Variants in POTEE observed in about 807,000 individuals in gnomAD.
POTEE encodes POTE ankyrin domain family member E.
In POTEE, 21 loss-of-function variants were observed where a neutral mutation model predicts 74.2. The observed-to-expected ratio is 0.28, with a 90% CI of 0.20 to 0.41. The LOEUF (loss-of-function observed/expected upper bound fraction) is 0.41, where lower values mean the gene tolerates loss of function less well. Ranked by LOEUF, POTEE falls within the 10% of genes least tolerant of loss-of-function variation. The pLI is 1.00. For missense variants in POTEE, 525 were observed against 1,158.6 expected (o/e 0.45, Z 7.94); for synonymous variants, 211 against 432.8 (o/e 0.49, Z 6.36).
chr2:131,243,867 C>CAA (rs1241493314), intron 12 of POTEE, among the ~76,000 whole-genome samples: 17 of 8,586 alleles, frequency 2.0e-3, no homozygotes, highest in African/African-American at 7.4e-3. Flanking sequence ...GACTCCGTCT[C>CAA]AAAAAAAAAA....
intron 9 of POTEE, among the ~76,000 whole-genome samples, chr2:131,236,247 T>C (rs1559188034): frequency 6.6e-6 from 1 of 152,132 alleles, no homozygotes; most frequent in Non-Finnish European, 1.5e-5. Context: ...GATTTTGTTT[T>C]CTTAACCTTG....
intron 12 of POTEE, among the ~76,000 whole-genome samples, chr2:131,239,863 T>C (rs1425776843): frequency 6.6e-6 from 1 of 152,340 alleles, no homozygotes; most frequent in Non-Finnish European, 1.5e-5. Flanking sequence ...TGGTGCCTGT[T>C]ATTCTCCTCT....
intron 8 of POTEE, among the ~76,000 whole-genome samples, chr2:131,230,310 A>G (rs887796734): frequency 3.9e-5 from 6 of 152,228 alleles, no homozygotes; most frequent in African/African-American, 1.4e-4. Context: ...ATTAGAACCT[A>G]TGAACAAAAT....
In POTEE at chr2:131,263,922, A is replaced by T; in HGVS notation, c.2467A>T (p.Met823Leu). Residue 823 changes from methionine (M) to leucine (L), a missense_variant, in exon 18 of 18, where the codon ATG (methionine) becomes TTG (leucine). Transcript: ENST00000683005. ...KANREKMTQI[M>L]FETFNTPAMY... Reference sequence around the variant, plus strand: ...CAACCGCGAGAAGATGACCCAGATCATGTTTGAGACCTTCAACACCCCAGC... The same window carrying T: ...CAACCGCGAGAAGATGACCCAGATCTTGTTTGAGACCTTCAACACCCCAGC... 1 of 1,614,164 alleles carries T rather than the reference A, an allele frequency of 6.2e-7. No homozygotes were observed. Among genetic ancestry groups the T allele is most frequent in the Non-Finnish European group, 8.5e-7 (1 of 1,180,018 alleles).
At chr2:131,219,633 A>G (rs1052651728) in intron 4 of POTEE, among the ~76,000 whole-genome samples, 1 of 152,022 alleles carries the variant, frequency 6.6e-6, no homozygotes, top group African/African-American at 2.4e-5. Flanking sequence ...GCTACTCAGG[A>G]GGCTGAGGCA....
Position 131,264,026 on chromosome 2 carries a change from C to T in POTEE, c.2571C>T (p.Asp857=), listed in dbSNP as rs531655290. Residue 857 remains aspartate (D), a synonymous_variant, in exon 18 of 18, where the codon GAC becomes GAT. Coordinates refer to ENST00000683005, the MANE Select transcript of POTEE (RefSeq NM_001083538.3). ...RTTGIVMDSG[D]GVTHTVPIYE... ...CTGGCATCGTGATGGACTCTGGTGA[C>T]GGGGTCACCCACACTGTGCCCATCT... The T allele has an allele frequency of 2.7e-4, 434 of 1,614,116 alleles. 2 individuals are homozygous for T. In the South Asian group the frequency reaches 3.5e-3, roughly 13 times the overall value.
In POTEE at chr2:131,263,827, A is replaced by C; in HGVS notation, c.2372A>C (p.Tyr791Ser). ...GAGAAGATCTGGCACCACACCTTCT[A>C]CAACGAGCTGCGTGTGGCTCCCGAG... ...DMEKIWHHTF[Y>S]NELRVAPEEH... Residue 791 changes from tyrosine to serine, a missense_variant, in exon 18 of 18, where the codon TAC becomes TCC. Tyr to Ser is a moderately radical substitution (Grantham distance 144). Transcript: ENST00000683005. 1.2e-6 allele frequency: 2 copies of C among 1,614,102 alleles called. No homozygotes were observed. Among genetic ancestry groups the C allele is most frequent in the Non-Finnish European group, 8.5e-7 (1 of 1,180,028 alleles).
intron 4 of POTEE, 127 bp from the exon 5 acceptor site, chr2:131,223,469 G>A: frequency 1.2e-6 from 1 of 840,030 alleles, no homozygotes; most frequent in Non-Finnish European, 1.8e-6. Context: ...TTTTTCATGG[G>A]AAAGTTAAAT....
At chr2:131,229,961 A>G (rs940906796) in intron 8 of POTEE, among the ~76,000 whole-genome samples, 1 of 152,124 alleles carries the variant, frequency 6.6e-6, no homozygotes, top group Admixed American at 6.6e-5. Context: ...AAAAAAAATA[A>G]AAGTAGACTT....
chr2:131,221,728 ATAGATT>A (rs1397776455), intron 4 of POTEE, among the ~76,000 whole-genome samples: 1 of 152,238 alleles, frequency 6.6e-6, no homozygotes, highest in African/African-American at 2.4e-5. Context: ...TTCATTAGAT[ATAGATT>A]AACATGTAAA....
chr2:131,218,712 C>T lies in POTEE; in HGVS notation c.310C>T (p.His104Tyr), dbSNP rs757153312. ...GAACAAGATGGGGAAGTGGTGCTGC[C>T]ACTGCTTCCCCTGCTGCAGGGGGAG... Reference protein sequence around the residue: ...LRNKMGKWCCHCFPCCRGSGK... With the variant: ...LRNKMGKWCCYCFPCCRGSGK... The change falls in exon 4 of 18, where the codon CAC (histidine) becomes TAC (tyrosine). Residue 104 changes from histidine (H) to tyrosine (Y), a missense_variant. His to Tyr is a moderately conservative substitution (Grantham distance 83). Coordinates refer to ENST00000683005, the MANE Select transcript of POTEE (RefSeq NM_001083538.3). 1.3e-6 allele frequency: 2 copies of T among 1,561,660 alleles called. No individual in the cohort carries two copies. Among genetic ancestry groups the T allele is most frequent in the Non-Finnish European group, 8.8e-7 (1 of 1,141,884 alleles).
chr2:131,211,251 C>T (rs1195099518), intron 2 of POTEE, among the ~76,000 whole-genome samples, 68 bp downstream of exon 2: 1 of 151,830 alleles, frequency 6.6e-6, no homozygotes. Flanking sequence ...TTGACGGCGA[C>T]AGCAACTGTA....
chr2:131,236,534 G>T (rs1701137531), intron 9 of POTEE, among the ~76,000 whole-genome samples, 198 bp from the exon 10 acceptor site: 1 of 151,654 alleles, frequency 6.6e-6, no homozygotes, highest in Non-Finnish European at 1.5e-5. Flanking sequence ...GGATGAATTT[G>T]TGAGTGAATG....
chr2:131,212,238 A>G (rs1700374085), intron 2 of POTEE, among the ~76,000 whole-genome samples: 1 of 152,078 alleles, frequency 6.6e-6, no homozygotes, highest in South Asian at 2.1e-4. Context: ...GTGTTAAACC[A>G]CTTATGCCTA....
Position 131,226,878 on chromosome 2 carries a change from A to C in POTEE, c.866A>C (p.Lys289Thr). 1 of 1,611,794 alleles carries C rather than the reference A, an allele frequency of 6.2e-7. No individual in the cohort carries two copies. The highest frequency in any genetic ancestry group is 1.1e-5 in the South Asian group (1 of 90,982). The change falls in exon 7 of 18, where the codon AAA becomes ACA. Residue 289 changes from lysine to threonine, a missense_variant. Transcript: ENST00000683005. The part of the protein sequence containing the change: ...GVHEQKQQVV[K>T]FLIKKKANLN... ...CATGAGCAAAAACAGCAAGTCGTGAAATTTTTAATCAAGAAAAAAGCGAAT... is the reference window on the plus strand; with the variant it reads ...CATGAGCAAAAACAGCAAGTCGTGACATTTTTAATCAAGAAAAAAGCGAAT...
At chr2:131,263,038 G>A (rs1224274087) in intron 17 of POTEE, among the ~76,000 whole-genome samples, 7 of 149,178 alleles carry the variant, frequency 4.7e-5, no homozygotes, top group Non-Finnish European at 7.4e-5. Context: ...CTCAGAAAAA[G>A]GCTTTTTTAA....
rs1278780045 is a variant in POTEE at position 131,239,418 on chromosome 2, T to C, written c.1383T>C (p.Pro461=). 9.8e-6 allele frequency: 1 copy of C among 101,598 alleles called. No homozygotes were observed. The highest frequency in any genetic ancestry group is 1.6e-5 in the Non-Finnish European group (1 of 61,294). 6.3% of individuals were successfully genotyped at this position (101,598 alleles called of 1,614,324 possible). A position where few individuals can be genotyped will look rare whatever the true frequency, so the allele number is the denominator to read the frequency against. ...KSRTPENQQF[P]DNESEEYHRI... ...GAACACCTGAAAATCAGCAATTTCC[T>C]GACAACGAAAGTGAAGAGTATCACA... Residue 461 remains proline, a synonymous_variant, in exon 12 of 18, where the codon CCT becomes CCC. Coordinates refer to ENST00000683005, the MANE Select transcript of POTEE (RefSeq NM_001083538.3).
intron 12 of POTEE, among the ~76,000 whole-genome samples, chr2:131,243,574 TTC>T (rs1701293600): frequency 1.3e-5 from 2 of 152,024 alleles, no homozygotes; most frequent in African/African-American, 4.8e-5. Flanking sequence ...GTTTGATTGA[TTC>T]TCACTTTAAA....
At chr2:131,222,701 A>C (rs532374059) in intron 4 of POTEE, among the ~76,000 whole-genome samples, 148 of 152,308 alleles carry the variant, frequency 9.7e-4, no homozygotes, top group Non-Finnish European at 1.2e-3. Context: ...TAAGTATTGA[A>C]AAAAATGAGC....
Sources: gnomAD v4.1 joint callset for allele counts (sites outside exome capture counted in the v4.1 genomes callset) on GRCh38, gnomAD v4.1.1 for gene constraint, MANE v1.5 for transcripts, NCBI Gene and HGNC (gene_info 2026-07-23, HGNC 2026-07-21) for gene names.